THSD4: variants seen among roughly 807,000 people sequenced by gnomAD.
THSD4 encodes the protein thrombospondin type 1 domain containing 4, also known as thrombospondin type-1 domain-containing protein 4.
Under a neutral mutation model 119.0 loss-of-function variants are expected in THSD4, and 69 were observed. The ratio of observed to expected loss-of-function variants is 0.58; its 90% CI spans 0.48 to 0.71. The LOEUF (loss-of-function observed/expected upper bound fraction) is 0.71, where lower values mean the gene tolerates loss of function less well. Ranked by LOEUF, THSD4 falls within the 30% of genes least tolerant of loss-of-function variation. THSD4 has a pLI of 0.00. For missense variants in THSD4, 1,393 were observed against 1,391.1 expected (o/e 1.00, Z -0.02); for synonymous variants, 524 against 540.4 (o/e 0.97, Z 0.42).
chr15:71,495,227 T>C (rs2047994800), intron 7 of THSD4, among the ~76,000 whole-genome samples: 1 of 152,178 alleles, frequency 6.6e-6, no homozygotes, highest in South Asian at 2.1e-4. Context: ...TGGGTTACTT[T>C]TGAGAATGTT....
intron 7 of THSD4, among the ~76,000 whole-genome samples, chr15:71,613,015 T>C (rs1205466318): frequency 6.6e-6 from 1 of 152,152 alleles, no homozygotes; most frequent in Non-Finnish European, 1.5e-5. Flanking sequence ...ATTTGTGGAG[T>C]CTGCTTCCTT....
chr15:71,556,482 C>T (rs2049018762), intron 7 of THSD4, among the ~76,000 whole-genome samples: 1 of 151,934 alleles, frequency 6.6e-6, no homozygotes, highest in Admixed American at 6.6e-5. Flanking sequence ...CATGGTGGCT[C>T]ATGTTTGTAA....
intron 7 of THSD4, among the ~76,000 whole-genome samples, chr15:71,528,552 C>T (rs1159278601): frequency 6.6e-6 from 1 of 152,140 alleles, no homozygotes. Flanking sequence ...AAAATTTCTC[C>T]CCCGTGGTTA....
At chr15:71,566,726 C>T (rs2049247098) in intron 7 of THSD4, among the ~76,000 whole-genome samples, 1 of 151,666 alleles carries the variant, frequency 6.6e-6, no homozygotes, top group Admixed American at 6.6e-5. Context: ...GGCCTCTTAT[C>T]CCAGGGCCCC....
In THSD4 at chr15:71,650,765, G is replaced by A. The variant is rs944013177; in HGVS notation, c.1153-9765G>A. Among the ~76,000 whole-genome samples the A allele has an allele frequency of 4.6e-5, 7 of 152,136 alleles. No homozygotes were observed. In the East Asian group the frequency reaches 1.3e-3, roughly 29 times the overall value. Reference sequence around the variant, plus strand: ...AACTTTCGCCCTGTCCTCACTTGGGGCTGACGCCATTTTAGGCCTCAGCCC... The same window carrying A: ...AACTTTCGCCCTGTCCTCACTTGGGACTGACGCCATTTTAGGCCTCAGCCC... On this transcript the variant is annotated intron_variant, in intron 7 of 17. Transcript: ENST00000261862.
chr15:71,687,418 G>A (rs185372490), intron 8 of THSD4, among the ~76,000 whole-genome samples: 111 of 152,252 alleles, frequency 7.3e-4, no homozygotes, highest in Middle Eastern at 3.4e-3. Context: ...ATAAGAGACC[G>A]TGAAAAACCA....
intron 4 of THSD4, among the ~76,000 whole-genome samples, chr15:71,227,676 G>T (rs768363175): frequency 6.6e-6 from 1 of 152,198 alleles, no homozygotes; most frequent in Non-Finnish European, 1.5e-5. Context: ...CCAGCATCCT[G>T]CTCCAGGAAG....
chr15:71,693,830 C>T (rs531204466), intron 8 of THSD4, among the ~76,000 whole-genome samples: 1 of 152,102 alleles, frequency 6.6e-6, no homozygotes. Context: ...TGTAAGACAT[C>T]CCTTTGCTCT....
intron 8 of THSD4, among the ~76,000 whole-genome samples, chr15:71,688,023 A>G (rs1027264779): frequency 6.6e-6 from 1 of 152,276 alleles, no homozygotes; most frequent in African/African-American, 2.4e-5. Flanking sequence ...TGTTTTGTTC[A>G]CATGTGTTCA....
At chr15:71,543,171 A>T (rs773231389) in intron 7 of THSD4, among the ~76,000 whole-genome samples, 1 of 152,206 alleles carries the variant, frequency 6.6e-6, no homozygotes, top group Admixed American at 6.5e-5. Flanking sequence ...TATCATAGTT[A>T]TGTAAGATGT....
In THSD4 at chr15:71,323,469, G is replaced by A. The variant is rs55786150; in HGVS notation, c.1015+66754G>A. On this transcript the variant is annotated intron_variant, in intron 6 of 17. Coordinates refer to ENST00000261862, the MANE Select transcript of THSD4 (RefSeq NM_024817.3). ...ACTGGGATTGTTCAGAGAGCCAGTG[G>A]GGGCAGGTAGAAAAGCCTGTTCCAT... 4.1e-3 allele frequency among the ~76,000 whole-genome samples: 622 copies of A among 152,316 alleles called. 3 individuals are homozygous for A. Among genetic ancestry groups the A allele is most frequent in the Middle Eastern group, 0.037 (11 of 294 alleles).
At chr15:71,692,447 A>AT (rs2052074853) in intron 8 of THSD4, among the ~76,000 whole-genome samples, 2 of 152,068 alleles carry the variant, frequency 1.3e-5, no homozygotes, top group South Asian at 4.2e-4. Flanking sequence ...TCCACTGTAG[A>AT]TTTTTTGTTT....
chr15:71,734,483 A>G (rs2053042825), intron 10 of THSD4, among the ~76,000 whole-genome samples: 1 of 152,190 alleles, frequency 6.6e-6, no homozygotes. Context: ...AGTGGTTGCC[A>G]GGGGCTGGGA....
chr15:71,553,213 T>C (rs2048959409), intron 7 of THSD4, among the ~76,000 whole-genome samples: 1 of 152,232 alleles, frequency 6.6e-6, no homozygotes, highest in South Asian at 2.1e-4. Context: ...TTCCTTCTTT[T>C]CTGATACCTG....
At chr15:71,711,646 C>T (rs749822341) in intron 8 of THSD4, among the ~76,000 whole-genome samples, 8 of 149,602 alleles carry the variant, frequency 5.3e-5, no homozygotes, top group Non-Finnish European at 1.0e-4. Context: ...GATATGCTGT[C>T]TATAAGAAAT....
chr15:71,150,730 A>G (rs367601942), intron 2 of THSD4, among the ~76,000 whole-genome samples: 28 of 152,354 alleles, frequency 1.8e-4, no homozygotes, highest in Middle Eastern at 3.4e-3. Context: ...GGAGAGGGGT[A>G]ACATAGAAAT....
intron 11 of THSD4, among the ~76,000 whole-genome samples, chr15:71,742,501 T>C (rs752177452): frequency 2.1e-4 from 32 of 152,336 alleles, no homozygotes; most frequent in Non-Finnish European, 3.8e-4. Context: ...CTGTGTACAG[T>C]TCCCCCCTTC....
intron 7 of THSD4, among the ~76,000 whole-genome samples, chr15:71,450,113 C>A (rs541336691): frequency 1.3e-5 from 2 of 152,222 alleles, no homozygotes; most frequent in South Asian, 4.2e-4. Context: ...ATATATAAAT[C>A]CAGCAGTGTG....
intron 3 of THSD4, among the ~76,000 whole-genome samples, chr15:71,207,852 A>G (rs2043857614): frequency 6.6e-6 from 1 of 152,178 alleles, no homozygotes; most frequent in South Asian, 2.1e-4. Context: ...CTTTCATGGA[A>G]CTGGTTCCTG....
Sources: gnomAD v4.1 joint callset for allele counts (sites outside exome capture counted in the v4.1 genomes callset) on GRCh38, gnomAD v4.1.1 for gene constraint, MANE v1.5 for transcripts, NCBI Gene and HGNC (gene_info 2026-07-23, HGNC 2026-07-21) for gene names.